Variants in SLC17A1 observed in about 807,000 individuals in gnomAD.
The protein encoded by SLC17A1 is sodium-dependent phosphate transport protein 1.
In SLC17A1, 51 loss-of-function variants were observed where a neutral mutation model predicts 53.5. The observed-to-expected ratio is 0.95, with a 90% confidence interval of 0.76 to 1.20. The LOEUF (loss-of-function observed/expected upper bound fraction) is 1.20. Ranked by LOEUF, SLC17A1 falls within the 50% of genes most tolerant of loss-of-function variation. The pLI, the probability that SLC17A1 is intolerant of heterozygous loss-of-function variation, is 0.00. For synonymous variants in SLC17A1, 179 were observed against 198.8 expected (o/e 0.90, Z 0.84); for missense variants, 538 against 568.2 (o/e 0.95, Z 0.54).
the SLC17A1 span, among the ~76,000 whole-genome samples, chr6:25,751,141 G>A: frequency 4.6e-5 from 7 of 152,124 alleles, no homozygotes; most frequent in African/African-American, 1.7e-4. Context: ...GGTGTGTAGG[G>A]GAAGCAGACA....
chr6:25,777,652 C>T, the SLC17A1 span: 4 of 319,290 alleles, frequency 1.3e-5, no homozygotes, highest in East Asian at 2.2e-4. Context: ...GACCATCTTG[C>T]ATAAACAATG....
intron 2 of SLC17A1, among the ~76,000 whole-genome samples, chr6:25,829,231 G>A (rs1035598658): frequency 1.3e-5 from 2 of 152,064 alleles, no homozygotes; most frequent in Non-Finnish European, 2.9e-5. Flanking sequence ...ATGCGATAGT[G>A]TATAGTAGGA....
At chr6:25,769,971 A>G in the SLC17A1 span, 2 of 1,033,280 alleles carry the variant, frequency 1.9e-6, no homozygotes, top group Non-Finnish European at 2.9e-6. Context: ...GTAAACAGAA[A>G]GATAACTGCC....
intron 2 of SLC17A1, among the ~76,000 whole-genome samples, chr6:25,828,681 T>G (rs560629880): frequency 3.5e-4 from 53 of 152,236 alleles, no homozygotes; most frequent in African/African-American, 1.3e-3. Flanking sequence ...TATTGGAAGC[T>G]ATTTTATTAG....
the SLC17A1 span, among the ~76,000 whole-genome samples, chr6:25,727,737 C>A: frequency 6.6e-6 from 1 of 152,042 alleles, no homozygotes; most frequent in Non-Finnish European, 1.5e-5. Context: ...GCAAGACAAT[C>A]CTTGCTAGGC....
At chr6:25,778,126 A>G, downstream of SLC17A1, 2 of 681,604 alleles carry the variant, frequency 2.9e-6, no homozygotes, top group Non-Finnish European at 4.8e-6. Context: ...GTAGTCAAAA[A>G]TAAACTAATT....
At chr6:25,759,343 T>G in the SLC17A1 span, among the ~76,000 whole-genome samples, 10 of 152,308 alleles carry the variant, frequency 6.6e-5, no homozygotes, top group South Asian at 2.1e-3. Context: ...TTAAGTCCAT[T>G]GTTTCTTTGC....
intron 6 of SLC17A1, among the ~76,000 whole-genome samples, chr6:25,816,362 T>A (rs997884487): frequency 3.9e-5 from 6 of 152,226 alleles, no homozygotes; most frequent in African/African-American, 1.4e-4. Flanking sequence ...CCCAGTTGAA[T>A]GGATGTTGGG....
At chr6:25,782,124 C>T (rs972030985), downstream of SLC17A1, among the ~76,000 whole-genome samples, 1 of 152,212 alleles carries the variant, frequency 6.6e-6, no homozygotes, top group African/African-American at 2.4e-5. Context: ...GCCTTTTCAC[C>T]TGACAGCCCA....
chr6:25,812,985 G>C lies in SLC17A1; in HGVS notation c.743C>G (p.Ser248Ter). The C allele has an allele frequency of 2.5e-6, 4 of 1,613,832 alleles. No individual in the cohort carries two copies. Among genetic ancestry groups the C allele is most frequent in the Non-Finnish European group, 3.4e-6 (4 of 1,179,874 alleles). ...ITSSLVQQVS[S>*]SRQSLPIKAI... Reference sequence around the variant, plus strand: ...CTTGATAGGCAGAGATTGTCTACTTGAACTGACCTGGAGAGAAATTCATTA... The same window carrying C: ...CTTGATAGGCAGAGATTGTCTACTTCAACTGACCTGGAGAGAAATTCATTA... Residue 248 changes from serine to a stop codon, truncating the protein, a stop_gained, in exon 8 of 13, where the codon TCA becomes TGA. Transcript: ENST00000244527. LOFTEE classifies it high-confidence loss of function.
intron 12 of SLC17A1, among the ~76,000 whole-genome samples, chr6:25,788,822 A>C (rs530440863): frequency 6.6e-6 from 1 of 152,310 alleles, no homozygotes; most frequent in South Asian, 2.1e-4. Context: ...AAGGGGATTG[A>C]CAAAGTAAAT....
chr6:25,778,838 A>G (rs73733808), downstream of SLC17A1, among the ~76,000 whole-genome samples: 3,785 of 152,308 alleles, frequency 0.025, 72 homozygotes, highest in Middle Eastern at 0.095. Context: ...TGAGACAAAT[A>G]GGTATCTGGA....
At chr6:25,761,525 A>G in the SLC17A1 span, among the ~76,000 whole-genome samples, 1 of 152,330 alleles carries the variant, frequency 6.6e-6, no homozygotes, top group African/African-American at 2.4e-5. Context: ...ATTTTATGTA[A>G]TATGTATAGG....
the SLC17A1 span, chr6:25,770,176 G>A: frequency 1.9e-6 from 3 of 1,614,098 alleles, no homozygotes; most frequent in Admixed American, 1.7e-5. Flanking sequence ...GGAATATTTG[G>A]AGCCAAGTAT....
At chr6:25,787,924 G>C (rs1763418229) in intron 12 of SLC17A1, among the ~76,000 whole-genome samples, 1 of 152,132 alleles carries the variant, frequency 6.6e-6, no homozygotes, top group African/African-American at 2.4e-5. Context: ...TCCCTCTGAG[G>C]ATTCGCCCAG....
At chr6:25,727,600 C>G in the SLC17A1 span, among the ~76,000 whole-genome samples, 2 of 151,764 alleles carry the variant, frequency 1.3e-5, no homozygotes, top group African/African-American at 2.4e-5. Flanking sequence ...CCATGTTGGC[C>G]AGGATGGTCT....
chr6:25,735,311 A>G, the SLC17A1 span, among the ~76,000 whole-genome samples: 1 of 152,226 alleles, frequency 6.6e-6, no homozygotes, highest in South Asian at 2.1e-4. Context: ...TGAAATGGAG[A>G]ATGAGCAAGG....
At chr6:25,810,409 A>G (rs1289468444) in intron 10 of SLC17A1, among the ~76,000 whole-genome samples, 1 of 152,064 alleles carries the variant, frequency 6.6e-6, no homozygotes, top group African/African-American at 2.4e-5. Context: ...CTCAAACTCA[A>G]TAACAAGAAA....
chr6:25,757,468 A>C, the SLC17A1 span, among the ~76,000 whole-genome samples: 1 of 152,004 alleles, frequency 6.6e-6, no homozygotes, highest in African/African-American at 2.4e-5. Context: ...TCTTCAAATA[A>C]TCTCATTTTT....
Sources: allele counts gnomAD v4.1 joint callset (sites outside exome capture counted in the v4.1 genomes callset), GRCh38; gene constraint gnomAD v4.1.1; transcripts MANE v1.5; gene names NCBI Gene and HGNC (gene_info 2026-07-23, HGNC 2026-07-21).